Variants in COL24A1 observed in about 807,000 individuals in gnomAD.
COL24A1 encodes the protein collagen alpha-1(XXIV) chain.
In COL24A1, 224 loss-of-function variants were observed where a neutral mutation model predicts 253.9. The ratio of observed to expected loss-of-function variants is 0.88; its 90% CI spans 0.79 to 0.99. COL24A1 has a LOEUF of 0.99. Among genes scored for constraint, COL24A1 ranks in the 50% least tolerant of loss-of-function variants. COL24A1 has a pLI of 0.00. For missense variants in COL24A1, 2,131 were observed against 2,068.5 expected, an observed-to-expected ratio of 1.03 and a Z score of -0.59; for synonymous variants, 685 against 673.7, an observed-to-expected ratio of 1.02 and a Z score of -0.26.
intron 2 of COL24A1, among the ~76,000 whole-genome samples, chr1:86,145,246 G>A (rs922428748): frequency 1.4e-4 from 21 of 151,990 alleles, no homozygotes; most frequent in Non-Finnish European, 2.9e-4. Context: ...AAACTGACAA[G>A]GGGTTCATCA....
intron 1 of COL24A1, among the ~76,000 whole-genome samples, chr1:86,147,296 T>A (rs967867811): frequency 6.6e-5 from 10 of 152,230 alleles, no homozygotes; most frequent in African/African-American, 2.4e-4. Context: ...ATAATTCGAC[T>A]ATTTATAATG....
At chr1:85,777,999 G>A (rs1668732695) in intron 52 of COL24A1, among the ~76,000 whole-genome samples, 1 of 145,932 alleles carries the variant, frequency 6.9e-6, no homozygotes, top group Non-Finnish European at 1.5e-5. Context: ...AGAGCTCTTG[G>A]TATATGTGTG....
intron 24 of COL24A1, among the ~76,000 whole-genome samples, chr1:85,926,497 G>C (rs1370973701): frequency 1.3e-5 from 2 of 152,122 alleles, no homozygotes; most frequent in African/African-American, 4.8e-5. Flanking sequence ...CATAAAAAGG[G>C]TGAGTTCATG....
At chr1:86,136,634 G>T (rs1044990622) in intron 2 of COL24A1, among the ~76,000 whole-genome samples, 4 of 151,906 alleles carry the variant, frequency 2.6e-5, no homozygotes, top group African/African-American at 9.7e-5. Context: ...CTGATAAATG[G>T]TAGCGATGCA....
At chr1:85,865,747 G>C (rs1428699656) in intron 37 of COL24A1, among the ~76,000 whole-genome samples, 1 of 151,970 alleles carries the variant, frequency 6.6e-6, no homozygotes, top group Non-Finnish European at 1.5e-5. Context: ...AATAACTGTT[G>C]GTGGTTTTTT....
At chr1:85,996,719 G>T (rs1396194834) in intron 19 of COL24A1, among the ~76,000 whole-genome samples, 1 of 151,972 alleles carries the variant, frequency 6.6e-6, no homozygotes, top group Non-Finnish European at 1.5e-5. Flanking sequence ...TATGTATCAG[G>T]CACTGTTCTT....
intron 57 of COL24A1, among the ~76,000 whole-genome samples, chr1:85,737,882 A>G (rs1664222852): frequency 6.6e-6 from 1 of 152,160 alleles, no homozygotes; most frequent in Admixed American, 6.6e-5. Flanking sequence ...ATAAATGGTC[A>G]TGGTACTTTA....
chr1:85,878,901 C>G (rs1372049110), intron 32 of COL24A1, among the ~76,000 whole-genome samples: 11 of 152,048 alleles, frequency 7.2e-5, no homozygotes, highest in Non-Finnish European at 1.5e-4. Flanking sequence ...GGTGTCTGTT[C>G]AGATTTTTGC....
At position 85,835,792 on chromosome 1, in the gene COL24A1, T is replaced by C. The variant is rs1480755870; in HGVS notation, c.3681+2793A>G. Among the ~76,000 whole-genome samples the C allele has an allele frequency of 6.6e-5, 10 of 152,130 alleles. 1 individual carries two copies. Among genetic ancestry groups the C allele is most frequent in the Admixed American group, 6.5e-4 (10 of 15,270 alleles). On this transcript the variant is annotated intron_variant, in intron 43 of 59. Coordinates refer to ENST00000370571, the MANE Select transcript of COL24A1 (RefSeq NM_152890.7). ...AGTATGGGGCTTCCTTTTGGAAGTG[T>C]TGAAAATGTTTGGAACTAGACAATG...
chr1:86,029,778 G>A (rs935210983), intron 14 of COL24A1: 15 of 151,802 alleles, frequency 9.9e-5, no homozygotes, highest in African/African-American at 3.6e-4. Context: ...ACCTCACTTG[G>A]CTAATTAAAA....
intron 43 of COL24A1, among the ~76,000 whole-genome samples, chr1:85,836,329 A>T (rs1044147258): frequency 6.6e-6 from 1 of 152,226 alleles, no homozygotes; most frequent in Non-Finnish European, 1.5e-5. Context: ...GCCCACTAAC[A>T]ATGTGAATGT....
intron 10 of COL24A1, among the ~76,000 whole-genome samples, chr1:86,052,334 A>G (rs1700371996): frequency 6.6e-6 from 1 of 152,122 alleles, no homozygotes; most frequent in Non-Finnish European, 1.5e-5. Flanking sequence ...AGCAACGTAA[A>G]TGTTCATTAA....
At chr1:85,968,586 T>C (rs1691799502) in intron 22 of COL24A1, among the ~76,000 whole-genome samples, 1 of 152,212 alleles carries the variant, frequency 6.6e-6, no homozygotes, top group Non-Finnish European at 1.5e-5. Flanking sequence ...CTCTACTTAA[T>C]TTAGATATAC....
At position 86,125,904 on chromosome 1, in the gene COL24A1, T is replaced by C. The variant is rs1414427452; in HGVS notation, c.432A>G (p.Val144=). 6.2e-7 allele frequency: 1 copy of C among 1,613,380 alleles called. No individual in the cohort carries two copies. The highest frequency in any genetic ancestry group is 8.5e-7 in the Non-Finnish European group (1 of 1,179,704). ...CTGCAGGCTGCTTTCCTCTAATGTG[T>C]ACTACTAATTTTTTAGGTAGTAATT... The part of the protein sequence containing the change: ...GVQLLPKKLV[V]HIRGKQPAVF... The change falls in exon 3 of 60, where the codon GTA becomes GTG. Residue 144 remains valine, a synonymous_variant. Coordinates refer to ENST00000370571, the MANE Select transcript of COL24A1 (RefSeq NM_152890.7).
intron 22 of COL24A1, among the ~76,000 whole-genome samples, chr1:85,969,498 G>A (rs1347805989): frequency 1.3e-5 from 2 of 150,600 alleles, no homozygotes; most frequent in African/African-American, 2.4e-5. Context: ...CTAGCTACTC[G>A]GGAGGCTGAG....
At chr1:85,780,958 C>G (rs1462252188) in intron 52 of COL24A1, among the ~76,000 whole-genome samples, 1 of 152,070 alleles carries the variant, frequency 6.6e-6, no homozygotes, top group Non-Finnish European at 1.5e-5. Context: ...GAGTTCATCT[C>G]TATGTTTATA....
chr1:85,781,315 T>TAAA (rs371624881), intron 51 of COL24A1, 42 bp from the exon 52 acceptor site: 101 of 1,076,292 alleles, frequency 9.4e-5, no homozygotes, highest in South Asian at 2.9e-4. Flanking sequence ...TTAGTATAAT[T>TAAA]AAAAAAAAAA....
rs759402133 is a variant in COL24A1 at position 86,124,833 on chromosome 1, A to C, written c.1491+12T>G. 1 of 1,520,418 alleles carries C rather than the reference A, an allele frequency of 6.6e-7. No homozygotes were observed. Among genetic ancestry groups the C allele is most frequent in the Admixed American group, 2.3e-5 (1 of 43,600 alleles). 94.2% of individuals were successfully genotyped at this position (1,520,418 alleles called of 1,614,324 possible). A position where few individuals can be genotyped will look rare whatever the true frequency, so the allele number is the denominator to read the frequency against. ...TAGCATATTAGGAGATATTAAAAAA[A>C]AAAAAACTTACGGGAGGTCCAGTGT... On this transcript the variant is annotated intron_variant, in intron 3 of 59. Transcript: ENST00000370571.
Position 85,734,787 on chromosome 1 carries a change from T to G in COL24A1, c.4960A>C (p.Thr1654Pro). 1 of 1,614,132 alleles carries G rather than the reference T, an allele frequency of 6.2e-7. No individual in the cohort carries two copies. The highest frequency in any genetic ancestry group is 8.5e-7 in the Non-Finnish European group (1 of 1,180,028). ...GWNGQIFKVN[T>P]LLEPKVLSDD... ...GAAAGCACTTTAGGTTCAAGTAGAG[T>G]GTTTACTTTAAAAATCTGGCCATTC... The change falls in exon 59 of 60, where the codon ACT becomes CCT. Residue 1654 changes from threonine to proline, a missense_variant. Transcript: ENST00000370571.
Sources: allele counts gnomAD v4.1 joint callset (sites outside exome capture counted in the v4.1 genomes callset), GRCh38; gene constraint gnomAD v4.1.1; transcripts MANE v1.5; gene names NCBI Gene and HGNC (gene_info 2026-07-23, HGNC 2026-07-21).